SGMS1: variants seen among roughly 807,000 people sequenced by gnomAD.
The protein encoded by SGMS1 is phosphatidylcholine:ceramide cholinephosphotransferase 1.
SGMS1 carries 13 observed loss-of-function variants against 46.2 expected under a neutral mutation model. The ratio of observed to expected loss-of-function variants is 0.28; its 90% CI spans 0.18 to 0.45. SGMS1 has a LOEUF of 0.45. Among genes scored for constraint, SGMS1 ranks in the 20% least tolerant of loss-of-function variants. The pLI, the probability that SGMS1 is intolerant of heterozygous loss-of-function variation, is 1.00. For synonymous variants in SGMS1, 203 were observed against 187.8 expected (o/e 1.08, Z -0.66); for missense variants, 324 against 519.9 (o/e 0.62, Z 3.66).
At chr10:50,510,621 A>G (rs201581756) in intron 3 of SGMS1, among the ~76,000 whole-genome samples, 2 of 104,914 alleles carry the variant, frequency 1.9e-5, no homozygotes, top group Non-Finnish European at 4.2e-5. Context: ...TTTTTTTTTT[A>G]CTTTTGATTT....
chr10:50,369,363 T>C (rs1848398412), intron 6 of SGMS1, among the ~76,000 whole-genome samples: 1 of 152,160 alleles, frequency 6.6e-6, no homozygotes, highest in South Asian at 2.1e-4. Flanking sequence ...CCCAGTGTGA[T>C]GGCACATGCT....
Position 50,537,023 on chromosome 10 carries a change from T to C in SGMS1, c.-588-17102A>G, listed in dbSNP as rs576857301. ...GACAAAGGGTTGACACATTGCTTCT[T>C]GTTTGGTCCCCAGGCCTTCCAGGGA... On this transcript the variant is annotated intron_variant, in intron 2 of 10. Transcript: ENST00000361781. Among the ~76,000 whole-genome samples, 23 of 152,326 alleles carry C rather than the reference T, an allele frequency of 1.5e-4. No homozygotes were observed. The South Asian group carries it at 2.7e-3, about 18-fold the overall frequency.
intron 4 of SGMS1, among the ~76,000 whole-genome samples, chr10:50,464,598 A>C (rs987907751): frequency 6.6e-6 from 1 of 152,132 alleles, no homozygotes; most frequent in Non-Finnish European, 1.5e-5. Flanking sequence ...ACATCTGGCT[A>C]ATTTTTGTAT....
chr10:50,577,879 C>T (rs988528582), intron 2 of SGMS1, among the ~76,000 whole-genome samples: 2 of 152,142 alleles, frequency 1.3e-5, no homozygotes, highest in Admixed American at 6.6e-5. Context: ...CACAGAGCTG[C>T]GAAGCTTGTG....
chr10:50,385,881 A>ACC (rs1416085245), intron 6 of SGMS1, among the ~76,000 whole-genome samples: 1 of 152,132 alleles, frequency 6.6e-6, no homozygotes, highest in Non-Finnish European at 1.5e-5. Flanking sequence ...CAAGAGCCGA[A>ACC]CCCCTGTTAT....
chr10:50,379,440 A>T (rs547206653), intron 6 of SGMS1, among the ~76,000 whole-genome samples: 373 of 33,166 alleles, frequency 0.011, 1 homozygote, highest in Middle Eastern at 0.042. Context: ...ATATACATTT[A>T]TATATATATA....
At chr10:50,532,734 T>A (rs1337057694) in intron 2 of SGMS1, among the ~76,000 whole-genome samples, 1 of 152,232 alleles carries the variant, frequency 6.6e-6, no homozygotes, top group African/African-American at 2.4e-5. Context: ...TCCGCAAAAT[T>A]CATGATTTGG....
At chr10:50,350,744 G>A (rs937608995) in intron 6 of SGMS1, among the ~76,000 whole-genome samples, 2 of 152,180 alleles carry the variant, frequency 1.3e-5, no homozygotes, top group East Asian at 3.8e-4. Flanking sequence ...CAAGAATTGA[G>A]GTTTGGGAAC....
At chr10:50,582,424 C>A (rs1838443294) in intron 2 of SGMS1, among the ~76,000 whole-genome samples, 1 of 152,190 alleles carries the variant, frequency 6.6e-6, no homozygotes, top group African/African-American at 2.4e-5. Flanking sequence ...ACAGAACTGG[C>A]TGGCGGTCGT....
In SGMS1 at chr10:50,382,568, T is replaced by TACACACACACAC. The variant is rs57835243; in HGVS notation, c.-231-38235_-231-38224dup. 5.9e-3 allele frequency among the ~76,000 whole-genome samples: 844 copies of TACACACACACAC among 142,758 alleles called. 7 individuals carry two copies. The highest frequency in any genetic ancestry group is 0.03 in the East Asian group (147 of 4,876). The allele number at this position is 142,758 out of a possible 152,430, so 93.7% of individuals were successfully genotyped here. On this transcript the variant is annotated intron_variant, in intron 6 of 10. Coordinates refer to ENST00000361781, the MANE Select transcript of SGMS1 (RefSeq NM_147156.4). ...GAAAACACACACACAAACACACACA[T>TACACACACACAC]ACACACACACACACACACACACACA...
intron 1 of SGMS1, among the ~76,000 whole-genome samples, chr10:50,606,535 T>A (rs940030825): frequency 6.6e-6 from 1 of 152,250 alleles, no homozygotes; most frequent in South Asian, 2.1e-4. Flanking sequence ...AGATTTGGAA[T>A]AGTAGAAATA....
At chr10:50,436,138 T>C (rs56126957) in intron 5 of SGMS1, among the ~76,000 whole-genome samples, 5,198 of 152,274 alleles carry the variant, frequency 0.034, 295 homozygotes, top group African/African-American at 0.12. Flanking sequence ...ATAGTCTCGC[T>C]CTGTCGCCCA....
chr10:50,465,781 A>G (rs1464067290), intron 4 of SGMS1, among the ~76,000 whole-genome samples: 1 of 152,122 alleles, frequency 6.6e-6, no homozygotes, highest in Non-Finnish European at 1.5e-5. Flanking sequence ...AAAAACAACA[A>G]AAAGTGTCCC....
intron 7 of SGMS1, among the ~76,000 whole-genome samples, chr10:50,330,642 C>T (rs561489280): frequency 1.5e-4 from 23 of 152,348 alleles, no homozygotes; most frequent in African/African-American, 5.0e-4. Flanking sequence ...ACCTGGCCTC[C>T]TAGCTCTTTC....
At chr10:50,417,725 T>C (rs1038048491) in intron 6 of SGMS1, among the ~76,000 whole-genome samples, 5 of 152,124 alleles carry the variant, frequency 3.3e-5, no homozygotes, top group African/African-American at 1.2e-4. Flanking sequence ...CACAATCCCG[T>C]TCTCTCAAAA....
At position 50,306,543 on chromosome 10, in the gene SGMS1, A is replaced by G. The variant is rs1017600400; in HGVS notation, c.*599T>C. 7 of 152,766 alleles carry G rather than the reference A, an allele frequency of 4.6e-5. No individual in the cohort carries two copies. Among genetic ancestry groups the G allele is most frequent in the African/African-American group, 1.7e-4 (7 of 41,450 alleles). 9.5% of individuals were successfully genotyped at this position (152,766 alleles called of 1,614,324 possible). A position where few individuals can be genotyped will look rare whatever the true frequency, so the allele number is the denominator to read the frequency against. On this transcript the variant is annotated 3_prime_UTR_variant, in exon 11 of 11. Transcript: ENST00000361781. ...GGAAATACTTAGAAAATCACTTTAT[A>G]ACAGAATCTTTTTTTTTGCACTTTT...
At chr10:50,559,152 G>A (rs1838212689) in intron 2 of SGMS1, among the ~76,000 whole-genome samples, 1 of 152,138 alleles carries the variant, frequency 6.6e-6, no homozygotes, top group African/African-American at 2.4e-5. Context: ...GTCACGGGGT[G>A]CACATCACAT....
intron 6 of SGMS1, among the ~76,000 whole-genome samples, chr10:50,401,899 A>G (rs1347971081): frequency 2.6e-5 from 4 of 152,232 alleles, no homozygotes; most frequent in Admixed American, 1.3e-4. Context: ...AAATTCACAA[A>G]TGAATTTCTG....
At chr10:50,542,024 T>C (rs1395961571) in intron 2 of SGMS1, among the ~76,000 whole-genome samples, 1 of 152,138 alleles carries the variant, frequency 6.6e-6, no homozygotes, top group East Asian at 1.9e-4. Context: ...TTGCCTAAAA[T>C]CACCGTGGCA....
Sources: allele counts gnomAD v4.1 joint callset (sites outside exome capture counted in the v4.1 genomes callset), GRCh38; gene constraint gnomAD v4.1.1; transcripts MANE v1.5; gene names NCBI Gene and HGNC (gene_info 2026-07-23, HGNC 2026-07-21).